Variants in MSANTD7 observed in about 807,000 individuals in gnomAD.
The protein encoded by MSANTD7 is Myb/SANT DNA binding domain containing 7.
At chr10:14,846,706 T>A in the MSANTD7 span, 1 of 976,540 alleles carries the variant, frequency 1.0e-6, no homozygotes, top group African/African-American at 1.7e-5. Flanking sequence ...GATGAATGTA[T>A]GAGCACTTTC....
the MSANTD7 span, chr10:14,846,919 T>G: frequency 1.6e-5 from 16 of 985,310 alleles, no homozygotes; most frequent in Non-Finnish European, 1.8e-5. Flanking sequence ...AATAAGGTGC[T>G]ATGTATACCA....
the MSANTD7 span, chr10:14,842,386 G>A: frequency 1.3e-6 from 2 of 1,536,160 alleles, no homozygotes; most frequent in Non-Finnish European, 1.7e-6. This position sits in a 1 kb window ranked among gnomAD's most constrained non-coding sequence, Gnocchi z 5.2. Flanking sequence ...AGCGCCTCCA[G>A]ACTGTGCATC....
At chr10:14,844,275 G>A in the MSANTD7 span, 1 of 1,082,184 alleles carries the variant, frequency 9.2e-7, no homozygotes, top group Non-Finnish European at 1.1e-6. Context: ...GTTCATAGAT[G>A]TGAAAGGGTT....
the MSANTD7 span, among the ~76,000 whole-genome samples, chr10:14,839,312 G>A: frequency 2.0e-5 from 3 of 151,698 alleles, no homozygotes; most frequent in Non-Finnish European, 1.5e-5. Flanking sequence ...GGTGGCTTAC[G>A]CCTGTAATCC....
At chr10:14,838,544 G>T in the MSANTD7 span, 1 of 1,336,778 alleles carries the variant, frequency 7.5e-7, no homozygotes, top group Non-Finnish European at 1.0e-6. Flanking sequence ...TGAGAGCGGC[G>T]TGTCGCCGGC....
chr10:14,844,176 T>C, the MSANTD7 span: 1 of 1,242,600 alleles, frequency 8.0e-7, no homozygotes, highest in East Asian at 4.4e-5. Flanking sequence ...GCAGTTTACC[T>C]CCCTCCAGTG....
chr10:14,839,937 C>T, the MSANTD7 span: 358 of 1,612,450 alleles, frequency 2.2e-4, 1 homozygote, highest in African/African-American at 4.2e-3. Context: ...CAAATGATGC[C>T]GGTGACCGAG....
At chr10:14,842,534 A>G in the MSANTD7 span, 3 of 1,536,158 alleles carry the variant, frequency 2.0e-6, no homozygotes, top group Non-Finnish European at 2.6e-6. The surrounding 1 kb of genome is among the most constrained non-coding windows in gnomAD (Gnocchi z 5.2). Context: ...TGCCACAAGT[A>G]TGGGTGAGCC....
chr10:14,841,149 T>C, the MSANTD7 span: 1 of 152,228 alleles, frequency 6.6e-6, no homozygotes, highest in East Asian at 1.9e-4. Flanking sequence ...GAACTTGATA[T>C]TAATCTTTTT....
At chr10:14,845,310 A>G in the MSANTD7 span, 3 of 985,348 alleles carry the variant, frequency 3.0e-6, no homozygotes, top group Admixed American at 1.8e-4. Context: ...AGTTGGAAAA[A>G]TAACAAAGAG....
chr10:14,843,721 C>T, the MSANTD7 span: 3 of 1,538,050 alleles, frequency 2.0e-6, no homozygotes, highest in South Asian at 3.6e-5. Context: ...ACTGGACAGG[C>T]TGATTGCTAT....
chr10:14,843,674 G>T, the MSANTD7 span: 3 of 1,546,228 alleles, frequency 1.9e-6, no homozygotes, highest in African/African-American at 4.1e-5. Context: ...GAAAACAGGC[G>T]ATTGGCACGA....
the MSANTD7 span, chr10:14,838,582 G>A: frequency 2.1e-6 from 2 of 947,436 alleles, no homozygotes; most frequent in Non-Finnish European, 1.5e-6. Context: ...TGGCGTTGCC[G>A]CGAGGACACT....
the MSANTD7 span, chr10:14,842,459 G>A: frequency 7.2e-6 from 11 of 1,536,026 alleles, no homozygotes; most frequent in Non-Finnish European, 9.6e-6. The surrounding 1 kb of genome is among the most constrained non-coding windows in gnomAD (Gnocchi z 5.2). Flanking sequence ...CCGCCGCACC[G>A]AACGTCAGTG....
At chr10:14,842,430 G>A in the MSANTD7 span, 80 of 1,536,168 alleles carry the variant, frequency 5.2e-5, no homozygotes, top group South Asian at 7.5e-4. The surrounding 1 kb of genome is among the most constrained non-coding windows in gnomAD (Gnocchi z 5.2). Flanking sequence ...GTGTCTAAGC[G>A]AATGCAGCAG....
the MSANTD7 span, chr10:14,843,511 C>T: frequency 6.4e-7 from 1 of 1,550,674 alleles, no homozygotes; most frequent in Non-Finnish European, 8.7e-7. Flanking sequence ...CCGCAGCACT[C>T]CTGGGGTAGC....
At chr10:14,840,152 C>A in the MSANTD7 span, 2 of 1,410,838 alleles carry the variant, frequency 1.4e-6, no homozygotes, top group Non-Finnish European at 1.9e-6. Context: ...AGATCCTGGG[C>A]AGAAGGTATG....
the MSANTD7 span, chr10:14,844,677 A>G: frequency 1.0e-6 from 1 of 976,796 alleles, no homozygotes; most frequent in African/African-American, 1.8e-5. Flanking sequence ...TACGGTTTAT[A>G]TCGATAATCT....
the MSANTD7 span, chr10:14,842,557 AT>A: frequency 6.5e-7 from 1 of 1,536,156 alleles, no homozygotes; most frequent in South Asian, 1.2e-5. The surrounding 1 kb of genome is among the most constrained non-coding windows in gnomAD (Gnocchi z 5.2). Context: ...CACACTGTCC[AT>A]TTTATGATAC....
Sources: gnomAD v4.1 joint callset for allele counts (sites outside exome capture counted in the v4.1 genomes callset) on GRCh38, gnomAD v4.1.1 for gene constraint, Gnocchi (gnomAD v3.1) non-coding constraint, MANE v1.5 for transcripts, NCBI Gene and HGNC (gene_info 2026-07-23, HGNC 2026-07-21) for gene names.